CSMD1: variants seen among roughly 807,000 people sequenced by gnomAD.
The protein encoded by CSMD1 is CUB and Sushi multiple domains 1.
In CSMD1, 213 loss-of-function variants were observed where a neutral mutation model predicts 417.5. That is an observed-to-expected ratio of 0.51 (90% CI 0.46 to 0.57). CSMD1 has a LOEUF of 0.57. CSMD1 is among the 20% of genes least tolerant of loss of function. The probability of loss-of-function intolerance (pLI) is 0.00; values close to 1 mark genes in which losing one functional copy is unlikely to be tolerated. For missense variants in CSMD1, 6,923 were observed against 4,529.7 expected (o/e 1.53, Z -15.17); for synonymous variants, 2,862 against 1,736.8 (o/e 1.65, Z -16.11).
intron 3 of CSMD1, among the ~76,000 whole-genome samples, chr8:4,125,144 G>A (rs936661468): frequency 6.6e-6 from 1 of 151,844 alleles, no homozygotes; most frequent in South Asian, 2.1e-4. Context: ...TTGATCAGGA[G>A]AAGACTTCTT....
At chr8:4,201,799 C>A (rs758201829) in intron 3 of CSMD1, among the ~76,000 whole-genome samples, 1 of 150,442 alleles carries the variant, frequency 6.6e-6, no homozygotes, top group Non-Finnish European at 1.5e-5. Context: ...ACCTCCTGCA[C>A]GACTGCTGTT....
rs143257112 is a variant in CSMD1 at position 3,442,414 on chromosome 8, A to G, written c.1561+26298T>C. On this transcript the variant is annotated intron_variant, in intron 12 of 69. Coordinates refer to ENST00000635120, the MANE Select transcript of CSMD1 (RefSeq NM_033225.6). ...CCATCCTGCAAGCTCTATTCATGGT[A>G]AGTACCTTATACAGATGTCCCACTT... Among the ~76,000 whole-genome samples the G allele has an allele frequency of 7.6e-3, 1,162 of 152,258 alleles. 15 individuals are homozygous for G. The highest frequency in any genetic ancestry group is 0.026 in the African/African-American group (1,100 of 41,548).
intron 12 of CSMD1, among the ~76,000 whole-genome samples, chr8:3,435,497 T>A (rs1237277357): frequency 2.0e-5 from 3 of 152,044 alleles, no homozygotes; most frequent in African/African-American, 7.2e-5. Flanking sequence ...TTTTGGGCAT[T>A]CCTGAAGCCC....
intron 3 of CSMD1, among the ~76,000 whole-genome samples, chr8:4,093,777 A>T (rs1362194259): frequency 1.3e-5 from 2 of 152,144 alleles, no homozygotes. Flanking sequence ...CTTGGCCAAC[A>T]TGGTGAAATC....
At chr8:3,653,892 C>CT (rs769247135) in intron 7 of CSMD1, among the ~76,000 whole-genome samples, 4 of 152,154 alleles carry the variant, frequency 2.6e-5, no homozygotes, top group Non-Finnish European at 5.9e-5. Context: ...CTGACAGCAT[C>CT]AGTATTAAAA....
intron 5 of CSMD1, among the ~76,000 whole-genome samples, chr8:3,960,333 A>C (rs1563256375): frequency 6.6e-6 from 1 of 152,198 alleles, no homozygotes; most frequent in Non-Finnish European, 1.5e-5. Flanking sequence ...TAAACTTTCC[A>C]AATGTAATTG....
intron 3 of CSMD1, among the ~76,000 whole-genome samples, chr8:4,274,397 A>G (rs1796349560): frequency 6.6e-6 from 1 of 152,152 alleles, no homozygotes. Flanking sequence ...AAACACTATC[A>G]ACGTGCTCAA....
chr8:4,258,089 C>A (rs1246904448), intron 3 of CSMD1, among the ~76,000 whole-genome samples: 2 of 151,438 alleles, frequency 1.3e-5, no homozygotes, highest in African/African-American at 4.9e-5. Context: ...GACTACAGGC[C>A]CGTGCTACCA....
chr8:3,475,130 G>C (rs527446098), intron 11 of CSMD1, among the ~76,000 whole-genome samples: 1 of 152,192 alleles, frequency 6.6e-6, no homozygotes, highest in East Asian at 1.9e-4. Flanking sequence ...GCTAAGCTAA[G>C]AGTCTTTGAA....
At chr8:3,905,449 C>T (rs528520252) in intron 5 of CSMD1, among the ~76,000 whole-genome samples, 4 of 152,158 alleles carry the variant, frequency 2.6e-5, no homozygotes, top group South Asian at 2.1e-4. Flanking sequence ...CAATGTAAGA[C>T]CCCCCAACAC....
chr8:3,522,886 C>T (rs965020040), intron 10 of CSMD1, among the ~76,000 whole-genome samples: 9 of 148,900 alleles, frequency 6.0e-5, no homozygotes, highest in East Asian at 2.0e-4. Context: ...TAAATATTAC[C>T]TTTCAATATA....
intron 1 of CSMD1, among the ~76,000 whole-genome samples, chr8:4,904,286 T>C (rs1011176876): frequency 5.9e-5 from 9 of 152,228 alleles, no homozygotes; most frequent in Non-Finnish European, 1.3e-4. Flanking sequence ...ACAATGAAAG[T>C]ACAGTAAATG....
In CSMD1 at chr8:4,829,991, T is replaced by C. The variant is rs201454040; in HGVS notation, c.85+164341A>G. 2.2e-4 allele frequency among the ~76,000 whole-genome samples: 33 copies of C among 152,296 alleles called. No homozygotes were observed. In the East Asian group the frequency reaches 3.7e-3, roughly 17 times the overall value. On this transcript the variant is annotated intron_variant, in intron 1 of 69. Coordinates refer to ENST00000635120, the MANE Select transcript of CSMD1 (RefSeq NM_033225.6). ...TTACAAACATATCGGACAGCTTGTC[T>C]TTCCGTGCTCTCGTGATGAACTGCC...
chr8:3,239,219 A>G (rs1207345557), intron 26 of CSMD1, among the ~76,000 whole-genome samples: 1 of 152,076 alleles, frequency 6.6e-6, no homozygotes, highest in African/African-American at 2.4e-5. Context: ...AGCGTAAGGG[A>G]TATAAAGGTT....
At chr8:4,443,152 T>G (rs973321178) in intron 2 of CSMD1, among the ~76,000 whole-genome samples, 1 of 152,208 alleles carries the variant, frequency 6.6e-6, no homozygotes, top group Non-Finnish European at 1.5e-5. Context: ...ATCTTATTCC[T>G]CCTTTTAAAT....
intron 10 of CSMD1, among the ~76,000 whole-genome samples, chr8:3,508,368 G>T (rs1413778836): frequency 6.7e-6 from 1 of 150,196 alleles, no homozygotes; most frequent in African/African-American, 2.4e-5. Flanking sequence ...GGGGCAGGGG[G>T]AGGGGGGAGG....
chr8:3,147,696 A>G (rs1818926023), intron 40 of CSMD1, among the ~76,000 whole-genome samples: 1 of 152,152 alleles, frequency 6.6e-6, no homozygotes, highest in Non-Finnish European at 1.5e-5. Flanking sequence ...TATAAATCTG[A>G]CACTCTCTTA....
chr8:4,169,984 T>C lies in CSMD1; in HGVS notation c.416-137885A>G, dbSNP rs375986229. Among the ~76,000 whole-genome samples, 17 of 151,972 alleles carry C rather than the reference T, an allele frequency of 1.1e-4. 2 individuals are homozygous for C. Among genetic ancestry groups the C allele is most frequent in the African/African-American group, 3.9e-4 (16 of 41,224 alleles). On this transcript the variant is annotated intron_variant, in intron 3 of 69. Transcript: ENST00000635120. ...TCCTCCATACTGTATCCTTTGTGCA[T>C]AGAAGAGTGTTAGAGCCTAAGAGAT...
At chr8:3,251,190 G>GT (rs1800226675) in intron 26 of CSMD1, among the ~76,000 whole-genome samples, 2 of 152,210 alleles carry the variant, frequency 1.3e-5, no homozygotes, top group South Asian at 2.1e-4. Flanking sequence ...GGTTTTTATG[G>GT]TTTTAGGTCT....
Sources: allele counts gnomAD v4.1 joint callset (sites outside exome capture counted in the v4.1 genomes callset), GRCh38; gene constraint gnomAD v4.1.1; transcripts MANE v1.5; gene names NCBI Gene and HGNC (gene_info 2026-07-23, HGNC 2026-07-21).